The following SHANK2 variants were observed in gnomAD, a reference collection of about 807,000 sequenced individuals.
The protein encoded by SHANK2 is SH3 and multiple ankyrin repeat domains 2, also known as SH3 and multiple ankyrin repeat domains protein 2.
Under a neutral mutation model 133.7 loss-of-function variants are expected in SHANK2, and 43 were observed. The observed-to-expected ratio is 0.32, with a 90% CI of 0.25 to 0.41. The LOEUF is 0.41. Among genes scored for constraint, SHANK2 ranks in the 10% least tolerant of loss-of-function variants. SHANK2 has a pLI of 1.00. For synonymous variants in SHANK2, 1,017 were observed against 952.8 expected (o/e 1.07, Z -1.24); for missense variants, 1,994 against 2,235.8 (o/e 0.89, Z 2.18).
intron 2 of SHANK2, among the ~76,000 whole-genome samples, chr11:71,187,898 C>T (rs1555114740): frequency 2.0e-5 from 3 of 152,184 alleles, no homozygotes; most frequent in African/African-American, 4.8e-5. Context: ...CACAACGCAA[C>T]GTGCTGTGCA....
intron 11 of SHANK2, among the ~76,000 whole-genome samples, chr11:70,843,892 G>C (rs574124592): frequency 6.6e-6 from 1 of 152,096 alleles, no homozygotes; most frequent in Non-Finnish European, 1.5e-5. Context: ...TGCTTCCGTC[G>C]GAAGGCCTGT....
At chr11:71,214,457 C>A (rs1449757270) in intron 2 of SHANK2, among the ~76,000 whole-genome samples, 1 of 152,224 alleles carries the variant, frequency 6.6e-6, no homozygotes, top group Non-Finnish European at 1.5e-5. Context: ...GGACTTCTTT[C>A]TTCTGTAGCC....
intron 6 of SHANK2, among the ~76,000 whole-genome samples, 200 bp from the exon 7 acceptor site, chr11:71,094,888 C>T (rs909196542): frequency 9.9e-5 from 15 of 152,232 alleles, no homozygotes; most frequent in African/African-American, 2.9e-4. Flanking sequence ...TGCAGTGACA[C>T]GCAGGGCCAC....
intron 14 of SHANK2, among the ~76,000 whole-genome samples, chr11:70,792,135 CCAAT>C (rs1555048147): frequency 6.6e-6 from 1 of 151,974 alleles, no homozygotes; most frequent in African/African-American, 2.4e-5. Context: ...AACCAACTAA[CCAAT>C]CAGTCAGTCA....
At chr11:70,884,290 G>A (rs1283343193) in intron 11 of SHANK2, among the ~76,000 whole-genome samples, 4 of 152,210 alleles carry the variant, frequency 2.6e-5, no homozygotes, top group Non-Finnish European at 4.4e-5. Context: ...TGCGTGGAAC[G>A]GGCCCCTAGG....
Position 70,782,370 on chromosome 11 carries a change from T to C in SHANK2, c.1777+16073A>G, listed in dbSNP as rs569574615. Among the ~76,000 whole-genome samples, 8 of 152,348 alleles carry C rather than the reference T, an allele frequency of 5.3e-5. No homozygotes were observed. The South Asian group carries it at 1.2e-3, about 24-fold the overall frequency. On this transcript the variant is annotated intron_variant, in intron 14 of 25. Transcript: ENST00000601538. Reference sequence around the variant, plus strand: ...CCGCGCCCAGCCTTAAAGCAGTTCTTTAAGTCACCATTTTAAGTGGAAAAC... The same window carrying C: ...CCGCGCCCAGCCTTAAAGCAGTTCTCTAAGTCACCATTTTAAGTGGAAAAC...
At chr11:71,088,548 A>G in intron 8 of SHANK2, among the ~76,000 whole-genome samples, 1 of 20,732 alleles carries the variant, frequency 4.8e-5, no homozygotes, top group Non-Finnish European at 8.3e-5. Flanking sequence ...CTCACAACTC[A>G]GCCTTGTCCC....
intron 14 of SHANK2, among the ~76,000 whole-genome samples, chr11:70,775,593 G>A (rs782073706): frequency 5.9e-5 from 9 of 152,126 alleles, no homozygotes; most frequent in South Asian, 2.1e-4. Flanking sequence ...CACCACTCGC[G>A]GCCATGTCCT....
chr11:70,697,537 AG>A (rs1945423385), intron 15 of SHANK2, among the ~76,000 whole-genome samples: 1 of 152,224 alleles, frequency 6.6e-6, no homozygotes, highest in African/African-American at 2.4e-5. Flanking sequence ...GGAAGCAGAT[AG>A]TGGTGATGGT....
chr11:70,824,704 A>G (rs1294816097), intron 11 of SHANK2, among the ~76,000 whole-genome samples: 1 of 151,954 alleles, frequency 6.6e-6, no homozygotes, highest in Non-Finnish European at 1.5e-5. Context: ...GGCAGAGACT[A>G]AAAAAAACCT....
intron 11 of SHANK2, among the ~76,000 whole-genome samples, chr11:70,833,123 G>T (rs1196168359): frequency 6.6e-6 from 1 of 152,250 alleles, no homozygotes; most frequent in African/African-American, 2.4e-5. Flanking sequence ...AGACACATGG[G>T]CCAGGAAGGC....
chr11:71,131,285 G>A lies in SHANK2; in HGVS notation c.208-12253C>T, dbSNP rs377560284. On this transcript the variant is annotated intron_variant, in intron 3 of 25. Transcript: ENST00000601538. ...TAAAACCCCGGCACGGGTAACACACGAAGCTGAAATCAGACATGTCAATGG... is the reference window on the plus strand; with the variant it reads ...TAAAACCCCGGCACGGGTAACACACAAAGCTGAAATCAGACATGTCAATGG... 2.5e-4 allele frequency among the ~76,000 whole-genome samples: 38 copies of A among 152,328 alleles called. 1 individual carries two copies. The highest frequency in any genetic ancestry group is 8.9e-4 in the African/African-American group (37 of 41,588).
At chr11:70,685,999 CCATT>C (rs1945139738) in intron 15 of SHANK2, among the ~76,000 whole-genome samples, 1 of 151,706 alleles carries the variant, frequency 6.6e-6, no homozygotes, top group Middle Eastern at 3.2e-3. Flanking sequence ...ATCTGTCTAC[CCATT>C]CATTCATCCA....
At chr11:70,583,730 A>T (rs1219603707) in intron 17 of SHANK2, among the ~76,000 whole-genome samples, 1 of 152,162 alleles carries the variant, frequency 6.6e-6, no homozygotes, top group Non-Finnish European at 1.5e-5. Flanking sequence ...TGAACCATCG[A>T]GGCTGTGTGT....
intron 17 of SHANK2, among the ~76,000 whole-genome samples, chr11:70,659,564 A>G (rs1053606347): frequency 7.9e-5 from 12 of 152,092 alleles, no homozygotes; most frequent in Admixed American, 5.9e-4. Context: ...TCCTCTTTCT[A>G]CCTTCTACTT....
intron 2 of SHANK2, among the ~76,000 whole-genome samples, chr11:71,208,025 C>T (rs1954164433): frequency 6.6e-6 from 1 of 152,032 alleles, no homozygotes; most frequent in South Asian, 2.1e-4. Flanking sequence ...TGAGGGCTCC[C>T]AAGAAAAGCT....
chr11:70,590,072 G>A (rs928311721), intron 17 of SHANK2, among the ~76,000 whole-genome samples: 5 of 152,184 alleles, frequency 3.3e-5, no homozygotes, highest in African/African-American at 1.2e-4. Flanking sequence ...GGAGAACGGC[G>A]TGAACCTGGG....
chr11:70,652,425 T>C (rs548971219), intron 17 of SHANK2, among the ~76,000 whole-genome samples: 1 of 152,322 alleles, frequency 6.6e-6, no homozygotes, highest in African/African-American at 2.4e-5. Context: ...ATAATATTAT[T>C]ATCCCCGTTT....
At chr11:70,764,014 T>A (rs1055178550) in intron 14 of SHANK2, among the ~76,000 whole-genome samples, 1 of 139,150 alleles carries the variant, frequency 7.2e-6, no homozygotes, top group South Asian at 2.7e-4. Context: ...TAGAGCAAAG[T>A]TTTCCATTGC....
Sources: allele counts gnomAD v4.1 joint callset (sites outside exome capture counted in the v4.1 genomes callset), GRCh38; gene constraint gnomAD v4.1.1; transcripts MANE v1.5; gene names NCBI Gene and HGNC (gene_info 2026-07-23, HGNC 2026-07-21).